The following ZNF804A variants were observed in gnomAD, a reference collection of about 807,000 sequenced individuals.
ZNF804A encodes zinc finger protein 804A.
A neutral mutation model predicts 16.5 loss-of-function variants in ZNF804A; 2 were observed. The ratio of observed to expected loss-of-function variants is 0.12; its 90% CI spans 0.05 to 0.38. The LOEUF (loss-of-function observed/expected upper bound fraction) is 0.38, where lower values mean the gene tolerates loss of function less well. Ranked by LOEUF, ZNF804A falls within the 10% of genes least tolerant of loss-of-function variation. The pLI, the probability that ZNF804A is intolerant of heterozygous loss-of-function variation, is 0.99. For missense variants in ZNF804A, 1,473 were observed against 1,390.7 expected (o/e 1.06, Z -0.94); for synonymous variants, 534 against 489.6 (o/e 1.09, Z -1.20).
At chr2:184,610,047 T>C (rs969057143) in intron 1 of ZNF804A, among the ~76,000 whole-genome samples, 1 of 152,148 alleles carries the variant, frequency 6.6e-6, no homozygotes, top group African/African-American at 2.4e-5. Flanking sequence ...AATTCATTCA[T>C]AGGTTGATAG....
chr2:184,893,954 A>G (rs1685025199), intron 2 of ZNF804A, among the ~76,000 whole-genome samples: 1 of 152,214 alleles, frequency 6.6e-6, no homozygotes, highest in Non-Finnish European at 1.5e-5. Context: ...TAGTAGATTC[A>G]GAATGCCTAG....
chr2:184,665,488 G>A (rs547513133), intron 1 of ZNF804A, among the ~76,000 whole-genome samples: 4 of 152,142 alleles, frequency 2.6e-5, no homozygotes, highest in Non-Finnish European at 5.9e-5. Flanking sequence ...GTTTTCTCTT[G>A]CTGTACAACA....
intron 2 of ZNF804A, among the ~76,000 whole-genome samples, chr2:184,889,266 G>A (rs80231294): frequency 0.064 from 9,714 of 151,316 alleles, 1,039 homozygotes; most frequent in African/African-American, 0.22. Flanking sequence ...TTGTTTTAAG[G>A]ATCTGAAAAT....
chr2:184,661,607 T>C (rs1692177447), intron 1 of ZNF804A, among the ~76,000 whole-genome samples: 1 of 152,064 alleles, frequency 6.6e-6, no homozygotes, highest in African/African-American at 2.4e-5. Flanking sequence ...CACCATTCAA[T>C]TGGTTAAAAA....
rs1305069515 is a variant in ZNF804A at position 184,938,436 on chromosome 2, G to A, written c.3040G>A (p.Gly1014Ser). Reference sequence around the variant, plus strand: ...ACCATTCAAAGAAGCACATGTCAGTGGTCATACTTTTGTAACAGCTGAGCA... The same window carrying A: ...ACCATTCAAAGAAGCACATGTCAGTAGTCATACTTTTGTAACAGCTGAGCA... The part of the protein sequence containing the change: ...PLPFKEAHVS[G>S]HTFVTAEQIL... The change falls in exon 4 of 4, where the codon GGT becomes AGT. Residue 1014 changes from glycine to serine, a missense_variant. Coordinates refer to ENST00000302277, the MANE Select transcript of ZNF804A (RefSeq NM_194250.2). 3 of 1,613,892 alleles carry A rather than the reference G, an allele frequency of 1.9e-6. No homozygotes were observed. The African/African-American group carries it at 4.0e-5, about 22-fold the overall frequency.
intron 1 of ZNF804A, among the ~76,000 whole-genome samples, chr2:184,603,721 T>C (rs1691086518): frequency 6.6e-6 from 1 of 152,178 alleles, no homozygotes; most frequent in Non-Finnish European, 1.5e-5. Context: ...TCCTAAAATA[T>C]CTTCATACCT....
At chr2:184,627,814 G>A (rs2105684408) in intron 1 of ZNF804A, among the ~76,000 whole-genome samples, 1 of 152,166 alleles carries the variant, frequency 6.6e-6, no homozygotes. Context: ...GTCAAGAATC[G>A]AAGTCTTGAG....
chr2:184,677,895 G>A (rs918771004), intron 1 of ZNF804A, among the ~76,000 whole-genome samples: 44 of 151,916 alleles, frequency 2.9e-4, no homozygotes, highest in South Asian at 8.3e-4. Flanking sequence ...AGGCTTGCAT[G>A]AGTTTACAAC....
chr2:184,731,565 T>TTTG (rs1491215202), intron 1 of ZNF804A, among the ~76,000 whole-genome samples: 11 of 80,730 alleles, frequency 1.4e-4, no homozygotes, highest in African/African-American at 1.1e-3. Flanking sequence ...TCTTTAACGC[T>TTTG]TTTTTTTTTT....
rs954385918 is a variant in ZNF804A at position 184,729,320 on chromosome 2, AT to A, written c.111+130259del. Among the ~76,000 whole-genome samples the A allele has an allele frequency of 4.8e-3, 722 of 151,338 alleles. 7 individuals carry two copies. The highest frequency in any genetic ancestry group is 0.014 in the African/African-American group (594 of 41,322). ...CAATTTTTACTTGTCAATTAAAATAATTTTTTTTTAAGTAAAATGTTACTTC... is the reference window on the plus strand; with the variant it reads ...CAATTTTTACTTGTCAATTAAAATAATTTTTTTTAAGTAAAATGTTACTTC... On this transcript the variant is annotated intron_variant, in intron 1 of 3. Coordinates refer to ENST00000302277, the MANE Select transcript of ZNF804A (RefSeq NM_194250.2).
chr2:184,933,614 A>T lies in ZNF804A; in HGVS notation c.267A>T (p.Glu89Asp), dbSNP rs776031450. ...YDHAHKQRLK[E>D]LKQREFARNV... is the part of the protein sequence containing the mutation. ...CTTTTTTTTAACAGAGGCTCAAGGA[A>T]CTGAAACAAAGGGAATTTGCTCGAA... Residue 89 changes from glutamate (E) to aspartate (D), a missense_variant, in exon 3 of 4, where the codon GAA becomes GAT. Glu to Asp is a conservative substitution (Grantham distance 45). Coordinates refer to ENST00000302277, the MANE Select transcript of ZNF804A (RefSeq NM_194250.2). The T allele has an allele frequency of 6.3e-7, 1 of 1,599,846 alleles. No individual in the cohort carries two copies. Among genetic ancestry groups the T allele is most frequent in the Admixed American group, 1.8e-5 (1 of 56,028 alleles).
chr2:184,933,294 C>T (rs543110736), intron 2 of ZNF804A, among the ~76,000 whole-genome samples: 12 of 152,078 alleles, frequency 7.9e-5, no homozygotes, highest in African/African-American at 1.4e-4. Flanking sequence ...TTATAAGGCA[C>T]GAATCCTTCA....
At chr2:184,868,842 C>T (rs957039040) in intron 2 of ZNF804A, among the ~76,000 whole-genome samples, 1 of 151,908 alleles carries the variant, frequency 6.6e-6, no homozygotes, top group Non-Finnish European at 1.5e-5. Context: ...AAAACTCCAG[C>T]CTAATGCTTG....
chr2:184,611,704 G>A (rs1043200279), intron 1 of ZNF804A, among the ~76,000 whole-genome samples: 2 of 152,158 alleles, frequency 1.3e-5, no homozygotes, highest in African/African-American at 4.8e-5. Context: ...AAAAAAACAG[G>A]CATAGTAATC....
At chr2:184,917,051 A>C (rs1363427915) in intron 2 of ZNF804A, among the ~76,000 whole-genome samples, 1 of 152,174 alleles carries the variant, frequency 6.6e-6, no homozygotes, top group African/African-American at 2.4e-5. Context: ...ACTGATTTAA[A>C]TATCGATATT....
intron 1 of ZNF804A, among the ~76,000 whole-genome samples, chr2:184,788,372 A>G (rs1694483636): frequency 6.6e-6 from 1 of 151,914 alleles, no homozygotes; most frequent in South Asian, 2.1e-4. Flanking sequence ...CAACTCTGTA[A>G]GAAAATGATG....
At chr2:184,906,614 A>T (rs546950003) in intron 2 of ZNF804A, among the ~76,000 whole-genome samples, 1 of 151,990 alleles carries the variant, frequency 6.6e-6, no homozygotes, top group East Asian at 1.9e-4. Context: ...TTCCTTTTTA[A>T]TGTCATCTTT....
chr2:184,699,053 G>T (rs1692880363), intron 1 of ZNF804A, among the ~76,000 whole-genome samples: 1 of 151,966 alleles, frequency 6.6e-6, no homozygotes, highest in Admixed American at 6.6e-5. Flanking sequence ...GGTGCATGGG[G>T]GTGGACACCT....
intron 1 of ZNF804A, among the ~76,000 whole-genome samples, chr2:184,842,690 T>A (rs1695456167): frequency 6.6e-6 from 1 of 152,116 alleles, no homozygotes. Flanking sequence ...TAGAAAAGCA[T>A]TATAATTGCA....
Sources: allele counts gnomAD v4.1 joint callset (sites outside exome capture counted in the v4.1 genomes callset), GRCh38; gene constraint gnomAD v4.1.1; transcripts MANE v1.5; gene names NCBI Gene and HGNC (gene_info 2026-07-23, HGNC 2026-07-21).